The following PTS variants were observed in gnomAD, a reference collection of about 807,000 sequenced individuals.
PTS encodes 6-pyruvoyltetrahydropterin synthase.
Under a neutral mutation model 20.6 loss-of-function variants are expected in PTS, and 23 were observed. That is an observed-to-expected ratio of 1.12 (90% CI 0.80 to 1.58). PTS has a LOEUF of 1.58. Ranked by LOEUF, PTS falls within the 40% of genes most tolerant of loss-of-function variation. The pLI is 0.00. For missense variants in PTS, 186 were observed against 182.4 expected, an observed-to-expected ratio of 1.02 and a Z score of -0.11; for synonymous variants, 65 against 62.5, an observed-to-expected ratio of 1.04 and a Z score of -0.19.
chr11:112,230,178 T>G (rs758299739), intron 2 of PTS, 30 bp from the exon 3 acceptor site: 1 of 1,597,286 alleles, frequency 6.3e-7, no homozygotes. Flanking sequence ...AGTCATGCTG[T>G]TTTTTTTGTA....
At chr11:112,229,950 C>T in intron 2 of PTS, 3 of 551,856 alleles carry the variant, frequency 5.4e-6, no homozygotes, top group South Asian at 4.1e-5. Flanking sequence ...ACACCCTTTT[C>T]AGCCTTGGCC....
intron 2 of PTS, chr11:112,228,893 CAATG>C (rs1859898281): frequency 5.1e-6 from 3 of 586,884 alleles, no homozygotes; most frequent in Non-Finnish European, 9.0e-6. Context: ...CAGTCCAAAA[CAATG>C]AATGGTTTAA....
chr11:112,226,594 G>GCCGGCGGGCGTGCTGACGTCGGGC (rs1859868026), intron 1 of PTS, 68 bp downstream of exon 1: 1 of 1,393,062 alleles, frequency 7.2e-7, no homozygotes, highest in Non-Finnish European at 9.6e-7. Flanking sequence ...CCGGGGCGGG[G>GCCGGCGGGCGTGCTGACGTCGGGC]CCGGCGGGCG....
At chr11:112,227,053 G>A (rs1323486375) in intron 1 of PTS, among the ~76,000 whole-genome samples, 5 of 148,858 alleles carry the variant, frequency 3.4e-5, no homozygotes, top group African/African-American at 1.2e-4. Flanking sequence ...TGGTCTAGTG[G>A]CTAGGAGAAA....
In PTS at chr11:112,233,969, A is replaced by G. The variant is rs564019567; in HGVS notation, c.*414A>G. The stretch of plus-strand genomic sequence containing the variant: ...TTAAAGAAATAAAATTCAAGTGACC[A>G]CAAAGTCTGGAGACAATATATATAT... On this transcript the variant is annotated 3_prime_UTR_variant, in exon 6 of 6. Coordinates refer to ENST00000280362, the MANE Select transcript of PTS (RefSeq NM_000317.3). 1 of 161,754 alleles carries G rather than the reference A, an allele frequency of 6.2e-6. No individual in the cohort carries two copies. Among genetic ancestry groups the G allele is most frequent in the South Asian group, 1.6e-4 (1 of 6,200 alleles). 10.0% of individuals were successfully genotyped at this position (161,754 alleles called of 1,614,324 possible).
chr11:112,226,578 A>C, intron 1 of PTS, 52 bp downstream of exon 1: 8 of 1,450,004 alleles, frequency 5.5e-6, no homozygotes, highest in African/African-American at 1.5e-5. Context: ...GGGCCCCGGA[A>C]CGTCACCGGG....
At chr11:112,230,123 G>C (rs1470566306) in intron 2 of PTS, 85 bp from the exon 3 acceptor site, 5 of 1,276,288 alleles carry the variant, frequency 3.9e-6, no homozygotes, top group Non-Finnish European at 5.7e-6. Flanking sequence ...TTGCCAACTT[G>C]TGCTTGTATG....
chr11:112,230,360 T>C, intron 3 of PTS, 130 bp downstream of exon 3: 2 of 1,170,282 alleles, frequency 1.7e-6, no homozygotes, highest in Non-Finnish European at 2.6e-6. Context: ...TATGTGTGTG[T>C]GGTGAGCTGC....
intron 4 of PTS, among the ~76,000 whole-genome samples, chr11:112,232,740 T>C (rs1268822058): frequency 2.0e-5 from 3 of 152,250 alleles, no homozygotes; most frequent in Non-Finnish European, 4.4e-5. Flanking sequence ...CTAGGTCTGC[T>C]TTATAAAATG....
chr11:112,230,995 T>C (rs1325393135), intron 4 of PTS, among the ~76,000 whole-genome samples: 1 of 152,092 alleles, frequency 6.6e-6, no homozygotes, highest in Non-Finnish European at 1.5e-5. Flanking sequence ...GACATAGCTT[T>C]CTCCTTGAGA....
chr11:112,228,630 T>C lies in PTS; in HGVS notation c.120T>C (p.Phe40=), dbSNP rs770422490. 6.2e-7 allele frequency: 1 copy of C among 1,612,036 alleles called. No homozygotes were observed. Among genetic ancestry groups the C allele is most frequent in the South Asian group, 1.1e-5 (1 of 90,950 alleles). The stretch of plus-strand genomic sequence containing the variant: ...GTGATGAAGAAAACTTGAAACTGTT[T>C]GGGAAATGCAACAATCCAAATGGCC... The part of the protein sequence containing the change: ...FLSDEENLKL[F]GKCNNPNGHG... Residue 40 remains phenylalanine (F), a synonymous_variant, in exon 2 of 6, where the codon TTT becomes TTC. Transcript: ENST00000280362.
chr11:112,230,028 T>TA lies in PTS; in HGVS notation c.164-170dup, dbSNP rs891207147. 2,816 of 589,344 alleles carry TA rather than the reference T, an allele frequency of 4.8e-3. 1 individual carries two copies. The highest frequency in any genetic ancestry group is 5.5e-3 in the Non-Finnish European group (1,866 of 341,522). The allele number at this position is 589,344 out of a possible 1,614,324, so 36.5% of individuals were successfully genotyped here. A position where few individuals can be genotyped will look rare whatever the true frequency, so the allele number is the denominator to read the frequency against. ...CTCGATTGTGTCTTGCTTTGGTTGC[T>TA]AAAAAAAAAATCTTAACTAAAATAA... On this transcript the variant is annotated intron_variant, in intron 2 of 5. Transcript: ENST00000280362.
chr11:112,233,510 A>G lies in PTS; in HGVS notation c.393A>G (p.Lys131=), dbSNP rs2135410494. The G allele has an allele frequency of 6.2e-7, 1 of 1,613,718 alleles. No individual in the cohort carries two copies. Among genetic ancestry groups the G allele is most frequent in the Non-Finnish European group, 8.5e-7 (1 of 1,179,838 alleles). Residue 131 remains lysine (K), a synonymous_variant, in exon 6 of 6, where the codon AAA becomes AAG. Coordinates refer to ENST00000280362, the MANE Select transcript of PTS (RefSeq NM_000317.3). The stretch of plus-strand genomic sequence containing the variant: ...CTGTAGGAGTTCTTTATAAAGTAAA[A>G]GTATACGAAACTGACAATAATATTG... ...VLPVGVLYKV[K]VYETDNNIVV...
At chr11:112,227,058 G>GA (rs771139035) in intron 1 of PTS, among the ~76,000 whole-genome samples, 11 of 146,394 alleles carry the variant, frequency 7.5e-5, no homozygotes, top group Non-Finnish European at 9.0e-5. Context: ...TAGTGGCTAG[G>GA]AGAAAAAAAA....
chr11:112,226,579 C>T (rs889837311), intron 1 of PTS, 53 bp downstream of exon 1: 1 of 1,455,422 alleles, frequency 6.9e-7, no homozygotes, highest in Admixed American at 2.4e-5. Context: ...GGCCCCGGAA[C>T]GTCACCGGGG....
rs2135410431 is a variant in PTS at position 112,233,427 on chromosome 11, T to C, written c.315-5T>C. On this transcript the variant is annotated splice_region_variant and splice_polypyrimidine_tract_variant and intron_variant, in intron 5 of 5. Transcript: ENST00000280362. ...TTTTTTTGTTTTTGTTTTTTTTTCT[T>C]ATAGCACGACTGAAAATGTAGCTGT... The C allele has an allele frequency of 1.9e-6, 3 of 1,606,140 alleles. No homozygotes were observed. The highest frequency in any genetic ancestry group is 2.5e-6 in the Non-Finnish European group (3 of 1,177,784).
At chr11:112,226,920 G>A (rs567760455) in intron 1 of PTS, among the ~76,000 whole-genome samples, 1 of 151,300 alleles carries the variant, frequency 6.6e-6, no homozygotes, top group Admixed American at 6.6e-5. Flanking sequence ...CTGGCGCGGC[G>A]TAGACACTCA....
rs763246774 is a variant in PTS at position 112,233,753 on chromosome 11, G to T, written c.*198G>T. 1.5e-4 allele frequency: 86 copies of T among 564,032 alleles called. No homozygotes were observed. Among genetic ancestry groups the T allele is most frequent in the Admixed American group, 1.2e-3 (31 of 24,898 alleles). The allele number at this position is 564,032 out of a possible 1,614,324, so 34.9% of individuals were successfully genotyped here. ...AAACTAAACTTGTAATATACATCCT[G>T]AAAATCATTTAGAGAGTCTTTTATT... On this transcript the variant is annotated 3_prime_UTR_variant, in exon 6 of 6. Transcript: ENST00000280362.
rs1173324466 is a variant in PTS, at chr11:112,230,124, T to G, written c.164-84T>G. 1.0e-5 allele frequency: 13 copies of G among 1,285,286 alleles called. No homozygotes were observed. In the East Asian group the frequency reaches 2.3e-4, roughly 23 times the overall value. The allele number at this position is 1,285,286 out of a possible 1,614,324, so 79.6% of individuals were successfully genotyped here. A position where few individuals can be genotyped will look rare whatever the true frequency, so the allele number is the denominator to read the frequency against. The stretch of plus-strand genomic sequence containing the variant: ...TCTAATAATTTATGTTGCCAACTTG[T>G]GCTTGTATGTTGCTAACTTGTGCTT... On this transcript the variant is annotated intron_variant, in intron 2 of 5. Coordinates refer to ENST00000280362, the MANE Select transcript of PTS (RefSeq NM_000317.3).
Sources: allele counts gnomAD v4.1 joint callset (sites outside exome capture counted in the v4.1 genomes callset), GRCh38; gene constraint gnomAD v4.1.1; transcripts MANE v1.5; gene names NCBI Gene and HGNC (gene_info 2026-07-23, HGNC 2026-07-21).